ZNF836: variants seen among roughly 807,000 people sequenced by gnomAD.
The protein encoded by ZNF836 is zinc finger protein 836.
Under a neutral mutation model 7.4 loss-of-function variants are expected in ZNF836, and 12 were observed. That is an observed-to-expected ratio of 1.61 (90% CI 1.03 to 2.61). The LOEUF is 2.61. ZNF836 is among the 30% of genes most tolerant of loss of function. The pLI, the probability that ZNF836 is intolerant of heterozygous loss-of-function variation, is 0.00. For synonymous variants in ZNF836, 365 were observed against 382.6 expected (o/e 0.95, Z 0.54); for missense variants, 998 against 1,126.2 (o/e 0.89, Z 1.63).
chr19:52,155,778 C>T lies in ZNF836; in HGVS notation c.1905G>A (p.Glu635=), dbSNP rs1238068774. 1 of 1,614,116 alleles carries T rather than the reference C, an allele frequency of 6.2e-7. No individual in the cohort carries two copies. Among genetic ancestry groups the T allele is most frequent in the Non-Finnish European group, 8.5e-7 (1 of 1,179,952 alleles). ...CGCATTCGTTACATTGAAACGGCTT[C>T]TCTCCAGTATGAATTCTCTTATGAT... is the stretch of plus-strand genomic sequence containing the variant. ...LSNHKRIHTG[E]KPFQCNECGK... Residue 635 remains glutamate, a synonymous_variant, in exon 5 of 5, where the codon GAG becomes GAA. Transcript: ENST00000682614.
rs1268656091 is a variant in ZNF836 at position 52,154,433 on chromosome 19, G to C, written c.*439C>G. Among the ~76,000 whole-genome samples the C allele has an allele frequency of 6.6e-6, 1 of 152,138 alleles. No homozygotes were observed. Among genetic ancestry groups the C allele is most frequent in the Non-Finnish European group, 1.5e-5 (1 of 68,024 alleles). On this transcript the variant is annotated 3_prime_UTR_variant, in exon 5 of 5. Transcript: ENST00000682614. ...CCCAGCACTTTGGGAGGCCGAGGCA[G>C]GCAGATCACTAGGTCAAGAAATTGA... is the stretch of plus-strand genomic sequence containing the variant.
At chr19:52,166,440 T>C (rs908179970) in intron 3 of ZNF836, among the ~76,000 whole-genome samples, 2 of 152,186 alleles carry the variant, frequency 1.3e-5, no homozygotes, top group Non-Finnish European at 2.9e-5. Context: ...AAAGTCACTA[T>C]GGTTTAACAA....
rs985715831 is a variant in ZNF836, at chr19:52,161,302, G to A, written c.16-711C>T. 5.3e-5 allele frequency among the ~76,000 whole-genome samples: 8 copies of A among 152,156 alleles called. No homozygotes were observed. The highest frequency in any genetic ancestry group is 7.4e-5 in the Non-Finnish European group (5 of 68,024). On this transcript the variant is annotated intron_variant, in intron 3 of 4. Coordinates refer to ENST00000682614, the MANE Select transcript of ZNF836 (RefSeq NM_001102657.3). The surrounding 1 kb of genome is among the most constrained non-coding windows in gnomAD (Gnocchi z 4.1). ...GCTGCTGTACCAAGTAAAACAGACT[G>A]GGTAATTTATGAACAATAGAAATGT... is the stretch of plus-strand genomic sequence containing the variant.
rs146752694 is a variant in ZNF836, at chr19:52,164,133, T to C, written c.16-3542A>G. Among the ~76,000 whole-genome samples the C allele has an allele frequency of 6.4e-4, 97 of 151,724 alleles. 5 individuals carry two copies. Among genetic ancestry groups the C allele is most frequent in the East Asian group, 2.2e-3 (11 of 5,100 alleles). On this transcript the variant is annotated intron_variant, in intron 3 of 4. Coordinates refer to ENST00000682614, the MANE Select transcript of ZNF836 (RefSeq NM_001102657.3). ...TGGCCGGGTGCAGTGGCTCACGACC[T>C]GTAATCCCAGCACTTTGGGGAGCCA...
rs534070224 is a variant in ZNF836 at position 52,154,936 on chromosome 19, C to T, written c.2747G>A (p.Ser916Asn). 1 of 1,563,502 alleles carries T rather than the reference C, an allele frequency of 6.4e-7. No homozygotes were observed. The highest frequency in any genetic ancestry group is 1.2e-5 in the South Asian group (1 of 82,120). Reference protein sequence around the residue: ...TKHQTKHTAESLKTKFNVEKP... With the variant: ...TKHQTKHTAENLKTKFNVEKP... ...TTCCACATTGAATTTTGTTTTAAGACTCTCTGCAGTATGTTTTGTCTGATG... is the reference window on the plus strand; with the variant it reads ...TTCCACATTGAATTTTGTTTTAAGATTCTCTGCAGTATGTTTTGTCTGATG... The change falls in exon 5 of 5, where the codon AGT (serine) becomes AAT (asparagine). Residue 916 changes from serine to asparagine, a missense_variant. Ser to Asn is a conservative substitution (Grantham distance 46). Coordinates refer to ENST00000682614, the MANE Select transcript of ZNF836 (RefSeq NM_001102657.3).
chr19:52,158,403 GT>G (rs1367901195), intron 4 of ZNF836, among the ~76,000 whole-genome samples: 1 of 152,042 alleles, frequency 6.6e-6, no homozygotes, highest in Non-Finnish European at 1.5e-5. Context: ...ATAACACTAA[GT>G]TATTTTTCTG....
intron 3 of ZNF836, among the ~76,000 whole-genome samples, chr19:52,166,575 C>CTTTT (rs56320677): frequency 3.8e-5 from 5 of 133,174 alleles, no homozygotes; most frequent in South Asian, 2.3e-4. Context: ...GTACCAACTT[C>CTTTT]TTTTTTTTTT....
intron 2 of ZNF836, among the ~76,000 whole-genome samples, chr19:52,169,379 A>G (rs2089290877): frequency 6.6e-6 from 1 of 152,170 alleles, no homozygotes. Context: ...TGGGAGTTCA[A>G]GACCAGCCTG....
Position 52,155,931 on chromosome 19 carries a change from A to G in ZNF836, c.1752T>C (p.Cys584=), listed in dbSNP as rs1170018181. The change falls in exon 5 of 5, where the codon TGT becomes TGC. Residue 584 remains cysteine, a synonymous_variant. Coordinates refer to ENST00000682614, the MANE Select transcript of ZNF836 (RefSeq NM_001102657.3). ...TCCTGAAGACTGTGCCACATTCATT[A>G]CATTGGAAAGGTTTCTCTCCCGTAT... The part of the protein sequence containing the change: ...RIHTGEKPFQ[C]NECGTVFRNY... The G allele has an allele frequency of 6.2e-7, 1 of 1,613,934 alleles. No homozygotes were observed. Among genetic ancestry groups the G allele is most frequent in the Non-Finnish European group, 8.5e-7 (1 of 1,179,888 alleles).
rs1773772286 is a variant in ZNF836 at position 52,156,534 on chromosome 19, C to T, written c.1149G>A (p.Glu383=). Residue 383 remains glutamate, a synonymous_variant, in exon 5 of 5, where the codon GAG becomes GAA. Coordinates refer to ENST00000682614, the MANE Select transcript of ZNF836 (RefSeq NM_001102657.3). ...CACATATGTTGCATTTGTATGGTTT[C>T]TCTCCAGTGTGGATTCTCTGGTGAT... ...LVNHQRIHTG[E]KPYKCNICGK... The T allele has an allele frequency of 6.2e-7, 1 of 1,614,146 alleles. No individual in the cohort carries two copies. Among genetic ancestry groups the T allele is most frequent in the Non-Finnish European group, 8.5e-7 (1 of 1,180,012 alleles).
Position 52,156,642 on chromosome 19 carries a change from T to C in ZNF836, c.1041A>G (p.Thr347=), listed in dbSNP as rs1568569827. Residue 347 remains threonine, a synonymous_variant, in exon 5 of 5, where the codon ACA becomes ACG. Transcript: ENST00000682614. ...KTFKQGSCLT[T]HQIIHTGEKP... ...TCTCTCCTGTATGGATTATCTGATG[T>C]GTAGTGAGGCATGAGCCTTGTTTGA... is the stretch of plus-strand genomic sequence containing the variant. 3.7e-6 allele frequency: 6 copies of C among 1,613,490 alleles called. No individual in the cohort carries two copies. Among genetic ancestry groups the C allele is most frequent in the Non-Finnish European group, 5.1e-6 (6 of 1,179,554 alleles).
At chr19:52,160,218 C>A in intron 4 of ZNF836, 31 of 502,072 alleles carry the variant, frequency 6.2e-5, no homozygotes, top group Non-Finnish European at 8.4e-5. Flanking sequence ...TACCATTATA[C>A]TGACTAATAC....
rs758102543 is a variant in ZNF836 at position 52,161,290 on chromosome 19, G to A, written c.16-699C>T. On this transcript the variant is annotated intron_variant, in intron 3 of 4. Coordinates refer to ENST00000682614, the MANE Select transcript of ZNF836 (RefSeq NM_001102657.3). This position sits in a 1 kb window ranked among gnomAD's most constrained non-coding sequence, Gnocchi z 4.1. Reference sequence around the variant, plus strand: ...TAGTCTCTCTGTGCTGCTGTACCAAGTAAAACAGACTGGGTAATTTATGAA... The same window carrying A: ...TAGTCTCTCTGTGCTGCTGTACCAAATAAAACAGACTGGGTAATTTATGAA... 4.6e-5 allele frequency among the ~76,000 whole-genome samples: 7 copies of A among 152,218 alleles called. No individual in the cohort carries two copies. The highest frequency in any genetic ancestry group is 8.8e-5 in the Non-Finnish European group (6 of 68,042).
chr19:52,160,673 C>T (rs980867357), intron 3 of ZNF836, 82 bp from the exon 4 acceptor site: 9 of 1,477,652 alleles, frequency 6.1e-6, no homozygotes, highest in Non-Finnish European at 8.1e-6. Context: ...AGAACTGTCA[C>T]ATCAATTTGA....
At position 52,157,117 on chromosome 19, in the gene ZNF836, G is replaced by GT. The variant is rs2089171042; in HGVS notation, c.565dup (p.Thr189AsnfsTer5). Reference sequence around the variant, plus strand: ...ATTCTCATATTTTTTAGAAATGTTGGTTTGGACACTAGGAAGAATTCTTTG... The same window carrying GT: ...ATTCTCATATTTTTTAGAAATGTTGGTTTTGGACACTAGGAAGAATTCTTTG... On this transcript the variant is annotated frameshift_variant, in exon 5 of 5. Transcript: ENST00000682614. LOFTEE classifies it low-confidence loss of function (END_TRUNC). 1.9e-6 allele frequency: 3 copies of GT among 1,613,652 alleles called. No individual in the cohort carries two copies. The highest frequency in any genetic ancestry group is 1.3e-5 in the African/African-American group (1 of 74,908).
Position 52,155,226 on chromosome 19 carries a change from T to A in ZNF836, c.2457A>T (p.Ser819=). The part of the protein sequence containing the change: ...NECGKAFRVR[S]ILVNHQKMHT... ...GCATTTTCTGATGATTAACCAGAATTGAACGCACTCTAAAGGCTTTGCCAC... is the reference window on the plus strand; with the variant it reads ...GCATTTTCTGATGATTAACCAGAATAGAACGCACTCTAAAGGCTTTGCCAC... The change falls in exon 5 of 5, where the codon TCA becomes TCT. Residue 819 remains serine, a synonymous_variant. Transcript: ENST00000682614. 1 of 1,614,062 alleles carries A rather than the reference T, an allele frequency of 6.2e-7. No individual in the cohort carries two copies. The highest frequency in any genetic ancestry group is 8.5e-7 in the Non-Finnish European group (1 of 1,179,946).
chr19:52,164,505 GAA>G (rs1390893484), intron 3 of ZNF836, among the ~76,000 whole-genome samples: 2 of 148,844 alleles, frequency 1.3e-5, no homozygotes, highest in Non-Finnish European at 3.0e-5. Flanking sequence ...AAGAGAGAAA[GAA>G]AGAAAGACTA....
Position 52,155,118 on chromosome 19 carries a change from A to G in ZNF836, c.2565T>C (p.Asn855=). 6.2e-7 allele frequency: 1 copy of G among 1,613,904 alleles called. No homozygotes were observed. Among genetic ancestry groups the G allele is most frequent in the Non-Finnish European group, 8.5e-7 (1 of 1,179,928 alleles). Residue 855 remains asparagine (N), a synonymous_variant, in exon 5 of 5, where the codon AAT becomes AAC. Coordinates refer to ENST00000682614, the MANE Select transcript of ZNF836 (RefSeq NM_001102657.3). The part of the protein sequence containing the change: ...ERSKLVYHQR[N]HTGEKPYKCI... ...ATTTGTATGGCTTCTCTCCAGTGTGATTTCTTTGATGGTACACCAGCTTTG... is the reference window on the plus strand; with the variant it reads ...ATTTGTATGGCTTCTCTCCAGTGTGGTTTCTTTGATGGTACACCAGCTTTG...
chr19:52,156,685 T>C lies in ZNF836; in HGVS notation c.998A>G (p.Asn333Ser). The C allele has an allele frequency of 3.7e-6, 6 of 1,614,104 alleles. No homozygotes were observed. Among genetic ancestry groups the C allele is most frequent in the Non-Finnish European group, 5.1e-6 (6 of 1,180,004 alleles). The change falls in exon 5 of 5, where the codon AAT (asparagine) becomes AGT (serine). Residue 333 changes from asparagine (N) to serine (S), a missense_variant. Asn to Ser is a conservative substitution (Grantham distance 46, BLOSUM62 1). Transcript: ENST00000682614. The stretch of plus-strand genomic sequence containing the variant: ...TTGTTTGAAGGTTTTCCCACACTCA[T>C]TACATTTGTAAGGTTTCTCTCCAGT... ...IHTGEKPYKC[N>S]ECGKTFKQGS... is the part of the protein sequence containing the mutation.
Sources: allele counts gnomAD v4.1 joint callset (sites outside exome capture counted in the v4.1 genomes callset), GRCh38; gene constraint gnomAD v4.1.1; non-coding constraint Gnocchi (gnomAD v3.1); transcripts MANE v1.5; gene names NCBI Gene and HGNC (gene_info 2026-07-23, HGNC 2026-07-21).